The following FRMD4B variants were observed in gnomAD, a reference collection of about 807,000 sequenced individuals.
FRMD4B encodes the protein FERM domain-containing protein 4B.
Under a neutral mutation model 141.5 loss-of-function variants are expected in FRMD4B, and 74 were observed. That is an observed-to-expected ratio of 0.52 (90% CI 0.43 to 0.63). FRMD4B has a LOEUF of 0.63. Among genes scored for constraint, FRMD4B ranks in the 30% least tolerant of loss-of-function variants. The probability of loss-of-function intolerance (pLI) is 0.00; values close to 1 mark genes in which losing one functional copy is unlikely to be tolerated. For missense variants in FRMD4B, 1,366 were observed against 1,253.4 expected, an observed-to-expected ratio of 1.09 and a Z score of -1.36; for synonymous variants, 506 against 467.9, an observed-to-expected ratio of 1.08 and a Z score of -1.05.
chr3:69,448,144 C>CTG (rs1300308700), intron 1 of FRMD4B, among the ~76,000 whole-genome samples: 2 of 151,860 alleles, frequency 1.3e-5, no homozygotes, highest in Non-Finnish European at 2.9e-5. Context: ...ATTCTCGTGG[C>CTG]TCAGCCTCCC....
intron 1 of FRMD4B, among the ~76,000 whole-genome samples, chr3:69,442,456 C>T (rs1232782533): frequency 6.6e-6 from 1 of 151,782 alleles, no homozygotes; most frequent in Non-Finnish European, 1.5e-5. Context: ...ATTGTCAATC[C>T]CACTTCTAGA....
At chr3:69,517,004 C>A (rs1700769128) in intron 1 of FRMD4B, among the ~76,000 whole-genome samples, 1 of 152,276 alleles carries the variant, frequency 6.6e-6, no homozygotes, top group South Asian at 2.1e-4. Flanking sequence ...AGCATTGTTA[C>A]TGCACATTAA....
intron 3 of FRMD4B, chr3:69,306,487 G>A (rs1701395713): frequency 1.3e-5 from 2 of 152,318 alleles, no homozygotes; most frequent in South Asian, 2.1e-4. Context: ...AAGTGAAATG[G>A]GTGAAGAGAT....
At chr3:69,417,585 AT>A (rs1412892698) in intron 2 of FRMD4B, among the ~76,000 whole-genome samples, 1 of 152,138 alleles carries the variant, frequency 6.6e-6, no homozygotes, top group Non-Finnish European at 1.5e-5. Flanking sequence ...TTTTGTTGCC[AT>A]TGCTTTTGGT....
intron 20 of FRMD4B, among the ~76,000 whole-genome samples, chr3:69,182,177 CT>C (rs1410252315): frequency 6.6e-6 from 1 of 152,152 alleles, no homozygotes; most frequent in Admixed American, 6.5e-5. Flanking sequence ...GATATTTAAC[CT>C]CTCTGAATCT....
At chr3:69,243,872 C>G (rs1433901329) in intron 7 of FRMD4B, among the ~76,000 whole-genome samples, 1 of 152,038 alleles carries the variant, frequency 6.6e-6, no homozygotes, top group Non-Finnish European at 1.5e-5. Flanking sequence ...GTGGTGAAAC[C>G]CCGTCTCTAC....
intron 7 of FRMD4B, among the ~76,000 whole-genome samples, chr3:69,243,135 T>G (rs796622582): frequency 1.2e-4 from 18 of 152,326 alleles, no homozygotes; most frequent in African/African-American, 4.3e-4. Context: ...GCCTGTTATC[T>G]TTGCGGTTTA....
At chr3:69,526,059 A>G (rs1212525039) in intron 1 of FRMD4B, among the ~76,000 whole-genome samples, 1 of 152,198 alleles carries the variant, frequency 6.6e-6, no homozygotes, top group African/African-American at 2.4e-5. Flanking sequence ...TCCAACTGCC[A>G]GCACCTGAAT....
rs187795570 is a variant in FRMD4B, at chr3:69,444,111, C to T, written c.-128-11350G>A. Among the ~76,000 whole-genome samples, 326 of 152,308 alleles carry T rather than the reference C, an allele frequency of 2.1e-3. 2 individuals are homozygous for T. The highest frequency in any genetic ancestry group is 7.4e-3 in the African/African-American group (308 of 41,570). On this transcript the variant is annotated intron_variant, in intron 1 of 5. Coordinates refer to the FRMD4B transcript ENST00000459638. ...ACACCCCTCTGATTTCATCTCCCATCCAATCAGCATTCCCCATTCCCTAGC... is the reference window on the plus strand; with the variant it reads ...ACACCCCTCTGATTTCATCTCCCATTCAATCAGCATTCCCCATTCCCTAGC...
intron 1 of FRMD4B, among the ~76,000 whole-genome samples, chr3:69,348,811 A>G (rs1480511986): frequency 6.6e-5 from 10 of 152,222 alleles, no homozygotes; most frequent in Admixed American, 2.6e-4. Flanking sequence ...CTCTCAATAA[A>G]TTAGGTATTG....
At chr3:69,331,656 T>C (rs955386512) in intron 1 of FRMD4B, among the ~76,000 whole-genome samples, 1 of 152,144 alleles carries the variant, frequency 6.6e-6, no homozygotes, top group African/African-American at 2.4e-5. Flanking sequence ...TGTCTGAAAA[T>C]GGAGATACTA....
At chr3:69,429,925 A>G (rs1156961834) in intron 2 of FRMD4B, among the ~76,000 whole-genome samples, 2 of 151,450 alleles carry the variant, frequency 1.3e-5, no homozygotes, top group South Asian at 2.1e-4. Context: ...ACGTCTGGCT[A>G]ATTTTTGTAT....
chr3:69,186,245 CCT>C (rs2092766058), intron 19 of FRMD4B, among the ~76,000 whole-genome samples: 2 of 108,344 alleles, frequency 1.8e-5, no homozygotes, highest in African/African-American at 6.6e-5. Context: ...TTTTCTTTTT[CCT>C]TTTTTTTTTT....
chr3:69,302,308 AAAG>A (rs769543918), intron 4 of FRMD4B, 32 bp downstream of exon 4: 5 of 1,124,850 alleles, frequency 4.4e-6, no homozygotes, highest in Admixed American at 3.9e-5. Context: ...AACAGCAAAA[AAAG>A]AGGGATGCTA....
chr3:69,316,883 A>G (rs939837726), intron 1 of FRMD4B, among the ~76,000 whole-genome samples: 4 of 152,230 alleles, frequency 2.6e-5, no homozygotes, highest in African/African-American at 9.6e-5. Context: ...GCACTTTGAG[A>G]GGCCAAGGCT....
At chr3:69,212,092 C>T (rs2093086856) in intron 11 of FRMD4B, among the ~76,000 whole-genome samples, 1 of 150,744 alleles carries the variant, frequency 6.6e-6, no homozygotes, top group Non-Finnish European at 1.5e-5. Context: ...GGCATGGTGG[C>T]TCACGCCTGT....
intron 2 of FRMD4B, among the ~76,000 whole-genome samples, chr3:69,426,051 C>T (rs576237028): frequency 3.7e-4 from 56 of 152,296 alleles, no homozygotes; most frequent in Non-Finnish European, 6.6e-4. Flanking sequence ...GAACACAGGC[C>T]ATTTCCTAAA....
intron 1 of FRMD4B, among the ~76,000 whole-genome samples, chr3:69,518,289 G>C (rs1286007387): frequency 6.6e-6 from 1 of 152,032 alleles, no homozygotes; most frequent in Non-Finnish European, 1.5e-5. Flanking sequence ...AAGAAACAAT[G>C]TATTCTTATA....
chr3:69,265,512 G>T (rs1481656364), intron 5 of FRMD4B, among the ~76,000 whole-genome samples: 1 of 136,496 alleles, frequency 7.3e-6, no homozygotes, highest in Non-Finnish European at 1.5e-5. Context: ...GCAGTGGCGC[G>T]ATCTCGGCTC....
Sources: allele counts gnomAD v4.1 joint callset (sites outside exome capture counted in the v4.1 genomes callset), GRCh38; gene constraint gnomAD v4.1.1; transcripts MANE v1.5; gene names NCBI Gene and HGNC (gene_info 2026-07-23, HGNC 2026-07-21).